DGKK: variants seen among roughly 807,000 people sequenced by gnomAD.
The protein encoded by DGKK is diacylglycerol kinase kappa.
DGKK carries 35 observed loss-of-function variants against 92.2 expected under a neutral mutation model. The ratio of observed to expected loss-of-function variants is 0.38; its 90% CI spans 0.29 to 0.50. DGKK has a LOEUF of 0.50. DGKK is among the 20% of genes least tolerant of loss of function. The pLI, the probability that DGKK is intolerant of heterozygous loss-of-function variation, is 0.92. For synonymous variants in DGKK, 368 were observed against 360.6 expected, an observed-to-expected ratio of 1.02 and a Z score of -0.23; for missense variants, 910 against 992.2, an observed-to-expected ratio of 0.92 and a Z score of 1.11.
At chrX:50,382,051 G>A (rs182002394) in intron 18 of DGKK, among the ~76,000 whole-genome samples, 8 of 111,942 alleles carry the variant, frequency 7.1e-5, no homozygotes, top group Non-Finnish European at 1.5e-4. Context: ...ACACTGGATA[G>A]GGTAAAATTA....
chrX:50,420,006 T>A (rs1055006499), intron 4 of DGKK, among the ~76,000 whole-genome samples: 2 of 112,058 alleles, frequency 1.8e-5, no homozygotes, highest in African/African-American at 6.5e-5. Flanking sequence ...TGCCTTGGAC[T>A]CGTTCCTACC....
In DGKK at chrX:50,451,085, C is replaced by T. The variant is rs571846837; in HGVS notation, c.645+18949G>A. Among the ~76,000 whole-genome samples the T allele has an allele frequency of 3.6e-5, 4 of 111,063 alleles. No homozygotes were observed. In the East Asian group the frequency reaches 8.6e-4, roughly 24 times the overall value. ...GAACAACTCTAATCAAGAGGGGTGG[C>T]AGGGAGGAAGGCAACACAAAATAGT... On this transcript the variant is annotated intron_variant, in intron 1 of 27. Transcript: ENST00000611977.
Position 50,374,881 on chromosome X carries a change from G to T in DGKK, c.3501+90C>A, listed in dbSNP as rs782598936. 9 of 795,747 alleles carry T rather than the reference G, an allele frequency of 1.1e-5. No individual in the cohort carries two copies. In the Admixed American group the frequency reaches 2.3e-4, roughly 20 times the overall value. The allele number at this position is 795,747 out of a possible 1,213,427, so 65.6% of individuals were successfully genotyped here. A position where few individuals can be genotyped will look rare whatever the true frequency, so the allele number is the denominator to read the frequency against. ...AGCACCTGGCCAAAATGCTCCCACG[G>T]GTCTCCAGTGCCCTTGGACCAAGCA... On this transcript the variant is annotated intron_variant, in intron 25 of 27. Transcript: ENST00000611977.
intron 1 of DGKK, among the ~76,000 whole-genome samples, chrX:50,433,527 T>C (rs781891952): frequency 6.3e-5 from 7 of 111,136 alleles, no homozygotes; most frequent in Non-Finnish European, 1.3e-4. Flanking sequence ...TGGAATGGCA[T>C]GTGAGGAAAC....
At chrX:50,435,442 C>T (rs1429244930) in intron 1 of DGKK, among the ~76,000 whole-genome samples, 1 of 112,267 alleles carries the variant, frequency 8.9e-6, no homozygotes, top group Non-Finnish European at 1.9e-5. Flanking sequence ...TGCAGACAGA[C>T]ATCTGAAGGC....
intron 4 of DGKK, among the ~76,000 whole-genome samples, chrX:50,415,279 A>G (rs1557228412): frequency 8.9e-6 from 1 of 112,130 alleles, no homozygotes; most frequent in Non-Finnish European, 1.9e-5. Context: ...CCAGTTTACT[A>G]TGGGGTTACA....
chrX:50,374,384 C>T (rs1557223570), intron 25 of DGKK, among the ~76,000 whole-genome samples: 1 of 111,805 alleles, frequency 8.9e-6, no homozygotes, highest in African/African-American at 3.3e-5. Context: ...GGACCCCTTA[C>T]AGGTTTTAGA....
In DGKK at chrX:50,370,413, G is replaced by A. The variant is rs782647091; in HGVS notation, c.3736+13C>T. ...AAGTCTTCATGACCCCTCTGCCTGT[G>A]GGGGAGACTTACCAATAAAACTCTG... On this transcript the variant is annotated intron_variant, in intron 27 of 27. Transcript: ENST00000611977. 8 of 1,186,796 alleles carry A rather than the reference G, an allele frequency of 6.7e-6. No individual in the cohort carries two copies. The highest frequency in any genetic ancestry group is 9.1e-6 in the Non-Finnish European group (8 of 882,263).
intron 1 of DGKK, among the ~76,000 whole-genome samples, chrX:50,435,146 G>C (rs1488824980): frequency 2.7e-5 from 3 of 112,285 alleles, no homozygotes; most frequent in Non-Finnish European, 3.8e-5. Context: ...AATCTTATGG[G>C]ACCACCATAG....
chrX:50,461,342 C>T (rs1257828124), intron 1 of DGKK, among the ~76,000 whole-genome samples: 1 of 112,063 alleles, frequency 8.9e-6, no homozygotes, highest in Non-Finnish European at 1.9e-5. Context: ...AAGCCCGAGA[C>T]ACAATTGTGC....
At chrX:50,443,574 G>A (rs1180072039) in intron 1 of DGKK, among the ~76,000 whole-genome samples, 13 of 110,964 alleles carry the variant, frequency 1.2e-4, no homozygotes, top group African/African-American at 3.3e-4. Flanking sequence ...GGGAGGTTCT[G>A]TGCACCCTTC....
intron 4 of DGKK, among the ~76,000 whole-genome samples, chrX:50,410,682 T>A (rs1925281858): frequency 9.0e-6 from 1 of 111,560 alleles, no homozygotes; most frequent in Non-Finnish European, 1.9e-5. Flanking sequence ...ACCACAGAAC[T>A]GAGAAAACCC....
At chrX:50,396,164 G>A (rs781986664) in intron 8 of DGKK, among the ~76,000 whole-genome samples, 13 of 111,915 alleles carry the variant, frequency 1.2e-4, no homozygotes, top group African/African-American at 4.2e-4. Context: ...TTGTTGATAA[G>A]GAAAAGTCTC....
intron 1 of DGKK, among the ~76,000 whole-genome samples, chrX:50,438,515 A>G (rs1337880977): frequency 9.0e-6 from 1 of 111,582 alleles, no homozygotes; most frequent in Non-Finnish European, 1.9e-5. Context: ...ATTATATCAC[A>G]CACACTGCCA....
chrX:50,451,599 G>A (rs1038614615), intron 1 of DGKK, among the ~76,000 whole-genome samples: 1 of 110,993 alleles, frequency 9.0e-6, no homozygotes, highest in Non-Finnish European at 1.9e-5. Context: ...CTCAGATGTC[G>A]GGAAAGATTA....
intron 18 of DGKK, among the ~76,000 whole-genome samples, chrX:50,380,657 C>T (rs1557224362): frequency 9.0e-6 from 1 of 111,203 alleles, no homozygotes; most frequent in African/African-American, 3.3e-5. Flanking sequence ...GAAAGGATAT[C>T]AGGTGACTTG....
Position 50,470,565 on chromosome X carries a change from AGCCGGTGGTGGT to A in DGKK, c.102_113del (p.Pro41_Pro44del). ...AGAGCAGCGGCGGAGCCGGCGGCGG[AGCCGGTGGTGGT>A]GGCGGCGGCGGCCAAGGCGGCGGAG... On this transcript the variant is annotated inframe_deletion, in exon 1 of 28. Transcript: ENST00000611977. 8.3e-7 allele frequency: 1 copy of A among 1,204,380 alleles called. No homozygotes were observed. The highest frequency in any genetic ancestry group is 1.1e-6 in the Non-Finnish European group (1 of 893,433).
At chrX:50,400,021 G>T (rs1364978867) in intron 8 of DGKK, among the ~76,000 whole-genome samples, 1 of 111,666 alleles carries the variant, frequency 9.0e-6, no homozygotes, top group Non-Finnish European at 1.9e-5. Flanking sequence ...GTCCTTTGAG[G>T]TTATGTTTTT....
intron 4 of DGKK, among the ~76,000 whole-genome samples, chrX:50,406,416 A>C (rs1384659945): frequency 1.8e-5 from 2 of 111,690 alleles, no homozygotes; most frequent in African/African-American, 6.5e-5. Flanking sequence ...TATGAATGTG[A>C]CCTTACTTGG....
Sources: allele counts gnomAD v4.1 joint callset (sites outside exome capture counted in the v4.1 genomes callset), GRCh38; gene constraint gnomAD v4.1.1; transcripts MANE v1.5; gene names NCBI Gene and HGNC (gene_info 2026-07-23, HGNC 2026-07-21).